The following GAS6 variants were observed in gnomAD, a reference collection of about 807,000 sequenced individuals.
GAS6 encodes growth arrest specific 6.
A neutral mutation model predicts 75.8 loss-of-function variants in GAS6; 41 were observed. The ratio of observed to expected loss-of-function variants is 0.54; its 90% confidence interval spans 0.42 to 0.70. The LOEUF (loss-of-function observed/expected upper bound fraction) is 0.70. Among genes scored for constraint, GAS6 ranks in the 30% least tolerant of loss-of-function variants. The pLI is 0.00. For missense variants in GAS6, 854 were observed against 940.2 expected (o/e 0.91, Z 1.20); for synonymous variants, 432 against 412.6 (o/e 1.05, Z -0.57).
At chr13:113,842,982 G>T (rs56298096) in intron 4 of GAS6, 58,952 of 395,672 alleles carry the variant, frequency 0.15, 5,917 homozygotes, top group Middle Eastern at 0.19. Flanking sequence ...CAACTCATTT[G>T]TTTATTTCCC....
At chr13:113,822,247 CA>C in intron 13 of GAS6, 61 bp from the exon 14 acceptor site, 5 of 1,315,540 alleles carry the variant, frequency 3.8e-6, no homozygotes, top group Non-Finnish European at 5.1e-6. Context: ...CTGTTAGGTC[CA>C]AGCTGGTCCT....
rs2051851548 is a variant in GAS6 at position 113,848,645 on chromosome 13, C to T, written c.256-595G>A. On this transcript the variant is annotated intron_variant, in intron 2 of 14. Transcript: ENST00000327773. The surrounding 1 kb of genome is among the most constrained non-coding windows in gnomAD (Gnocchi z 4.8). Reference sequence around the variant, plus strand: ...ATCCTTTTGCCATGGCCCACAGATTCTAGGGCCACAGCCTGGTTAAAGCAG... The same window carrying T: ...ATCCTTTTGCCATGGCCCACAGATTTTAGGGCCACAGCCTGGTTAAAGCAG... 6.6e-6 allele frequency among the ~76,000 whole-genome samples: 1 copy of T among 152,154 alleles called. No homozygotes were observed. The highest frequency in any genetic ancestry group is 6.5e-5 in the Admixed American group (1 of 15,282).
chr13:113,830,207 T>A (rs2138627602), intron 10 of GAS6, among the ~76,000 whole-genome samples: 1 of 152,270 alleles, frequency 6.6e-6, no homozygotes, highest in South Asian at 2.1e-4. Flanking sequence ...CACAAAAACA[T>A]GGTACAAATT....
chr13:113,857,740 C>T (rs562492357), intron 2 of GAS6, among the ~76,000 whole-genome samples: 14 of 152,330 alleles, frequency 9.2e-5, no homozygotes, highest in African/African-American at 4.8e-5. Context: ...CAAAGGGAGA[C>T]GTTCAGCGTT....
intron 8 of GAS6, among the ~76,000 whole-genome samples, chr13:113,834,181 C>CTGTGACAGGCACCGG (rs1427785818): frequency 7.6e-6 from 1 of 131,336 alleles, no homozygotes; most frequent in African/African-American, 2.9e-5. Context: ...GTAGGTCATG[C>CTGTGACAGGCACCGG]TGTGACAGGC....
At chr13:113,832,775 C>A (rs147601449) in intron 8 of GAS6, 23 bp from the exon 9 acceptor site, 32 of 1,612,168 alleles carry the variant, frequency 2.0e-5, no homozygotes, top group Non-Finnish European at 2.6e-5. Flanking sequence ...GGGGCCACGC[C>A]GGTCGGGGAT....
At chr13:113,858,634 TGTGTGTTTGTGA>T (rs1333051913) in intron 2 of GAS6, among the ~76,000 whole-genome samples, 5 of 111,096 alleles carry the variant, frequency 4.5e-5, no homozygotes, top group African/African-American at 2.7e-4. Context: ...TATGCATGTC[TGTGTGTTTGTGA>T]CTGTATGTGT....
intron 3 of GAS6, among the ~76,000 whole-genome samples, chr13:113,847,305 T>C (rs78656788): frequency 0.073 from 11,129 of 152,338 alleles, 510 homozygotes; most frequent in East Asian, 0.14. Flanking sequence ...ACTGTGTTTG[T>C]TCCAGATATG....
intron 14 of GAS6, 45 bp downstream of exon 14, chr13:113,821,912 TC>T (rs1329310155): frequency 7.0e-7 from 1 of 1,438,444 alleles, no homozygotes; most frequent in South Asian, 1.3e-5. Context: ...AAGCTGGGCC[TC>T]CCTGGAGCTC....
chr13:113,825,234 C>CA (rs71105207), intron 12 of GAS6, among the ~76,000 whole-genome samples: 2,862 of 56,980 alleles, frequency 0.05, 204 homozygotes, highest in African/African-American at 0.14. Flanking sequence ...AACTCCGTCT[C>CA]AAAAAAAAAA....
rs1159511920 is a variant in GAS6 at position 113,823,429 on chromosome 13, C to G, written c.1599G>C (p.Val533=). 2 of 1,612,772 alleles carry G rather than the reference C, an allele frequency of 1.2e-6. No homozygotes were observed. The highest frequency in any genetic ancestry group is 4.5e-5 in the East Asian group (2 of 44,878). The stretch of plus-strand genomic sequence containing the variant: ...AGTCTACCAGTGCCACAGAGAGAGG[C>G]ACGGCACGGAGGTCGGGGGCCCAGA... The part of the protein sequence containing the change: ...FALWAPDLRA[V]PLSVALVDYH... Residue 533 remains valine, a synonymous_variant, in exon 13 of 15, where the codon GTG becomes GTC. Coordinates refer to ENST00000327773, the MANE Select transcript of GAS6 (RefSeq NM_000820.4).
chr13:113,834,373 A>C (rs2051673154), intron 8 of GAS6, among the ~76,000 whole-genome samples, 178 bp downstream of exon 8: 1 of 152,204 alleles, frequency 6.6e-6, no homozygotes, highest in African/African-American at 2.4e-5. Context: ...CTATAAATAC[A>C]ACCAAACATC....
At position 113,832,488 on chromosome 13, in the gene GAS6, C is replaced by T. The variant is rs1287537230; in HGVS notation, c.954G>A (p.Arg318=). 6.3e-7 allele frequency: 1 copy of T among 1,596,814 alleles called. No homozygotes were observed. The highest frequency in any genetic ancestry group is 8.5e-7 in the Non-Finnish European group (1 of 1,169,592). Residue 318 remains arginine, a splice_region_variant and synonymous_variant, in exon 10 of 15, where the codon AGG becomes AGA. Coordinates refer to ENST00000327773, the MANE Select transcript of GAS6 (RefSeq NM_000820.4). ...RLRFKRLQPT[R]LVAEFDFRTF... ...TCCGGAAGTCAAACTCAGCTACCAG[C>T]CTGGGCACCCACAGGAGAAATGAGT...
intron 10 of GAS6, 133 bp from the exon 11 acceptor site, chr13:113,828,844 T>A: frequency 1.0e-6 from 1 of 964,598 alleles, no homozygotes; most frequent in East Asian, 2.5e-5. Context: ...GATCCTCACC[T>A]GGGCCAAGAG....
In GAS6 at chr13:113,863,822, G is replaced by A; in HGVS notation, c.88+11C>T. ...CGCCCGGGGACGGGGTCTCGGGCCC[G>A]CGGGACTCACCAAGCGCGCACTCCG... On this transcript the variant is annotated intron_variant, in intron 1 of 14. Coordinates refer to ENST00000327773, the MANE Select transcript of GAS6 (RefSeq NM_000820.4). This position sits in a 1 kb window ranked among gnomAD's most constrained non-coding sequence, Gnocchi z 9.4. 7.3e-7 allele frequency: 1 copy of A among 1,366,448 alleles called. No individual in the cohort carries two copies. The highest frequency in any genetic ancestry group is 1.7e-5 in the South Asian group (1 of 58,368). 84.6% of individuals were successfully genotyped at this position (1,366,448 alleles called of 1,614,324 possible). A position where few individuals can be genotyped will look rare whatever the true frequency, so the allele number is the denominator to read the frequency against.
rs1430361900 is a variant in GAS6, at chr13:113,837,665, CCAA to C, written c.589+401_589+403del. The stretch of plus-strand genomic sequence containing the variant: ...GCTATATTTAGTGGACAGAGGGAGA[CCAA>C]CAACGGGGTGCTTCTGGGGATGCTG... On this transcript the variant is annotated intron_variant, in intron 6 of 14. Transcript: ENST00000327773. This position sits in a 1 kb window ranked among gnomAD's most constrained non-coding sequence, Gnocchi z 5.1. Among the ~76,000 whole-genome samples the C allele has an allele frequency of 6.6e-6, 1 of 152,108 alleles. No homozygotes were observed. Among genetic ancestry groups the C allele is most frequent in the African/African-American group, 2.4e-5 (1 of 41,418 alleles).
chr13:113,821,866 A>G, intron 14 of GAS6, 92 bp downstream of exon 14: 1 of 1,039,832 alleles, frequency 9.6e-7, no homozygotes, highest in Non-Finnish European at 1.3e-6. Context: ...TCACTACCAG[A>G]AACCCCAGCC....
chr13:113,820,833 G>C lies in GAS6; in HGVS notation c.*31C>G, dbSNP rs536395504. On this transcript the variant is annotated 3_prime_UTR_variant, in exon 15 of 15. Coordinates refer to ENST00000327773, the MANE Select transcript of GAS6 (RefSeq NM_000820.4). ...GCTCCTCCCGGCTGTCTCGGACAGA[G>C]ACTGAGAAGCCTGCCGCGTCCCGTG... is the stretch of plus-strand genomic sequence containing the variant. 1.2e-6 allele frequency: 2 copies of C among 1,600,770 alleles called. No individual in the cohort carries two copies. Among genetic ancestry groups the C allele is most frequent in the South Asian group, 2.2e-5 (2 of 90,660 alleles).
chr13:113,838,176 C>G lies in GAS6; in HGVS notation c.482G>C (p.Ser161Thr). ...CTGGAGGCAGCCCCCGTTCTCCTGG[C>G]TGCATTCGTTGACATCTGGGAACAA... is the stretch of plus-strand genomic sequence containing the variant. ...RLCDKDVNEC[S>T]QENGGCLQIC... The change falls in exon 6 of 15, where the codon AGC becomes ACC. Residue 161 changes from serine to threonine, a missense_variant. Ser to Thr is a moderately conservative substitution (Grantham distance 58). Coordinates refer to ENST00000327773, the MANE Select transcript of GAS6 (RefSeq NM_000820.4). 2.5e-6 allele frequency: 4 copies of G among 1,612,774 alleles called. No individual in the cohort carries two copies. The highest frequency in any genetic ancestry group is 3.4e-6 in the Non-Finnish European group (4 of 1,179,882).
Sources: gnomAD v4.1 joint callset for allele counts (sites outside exome capture counted in the v4.1 genomes callset) on GRCh38, gnomAD v4.1.1 for gene constraint, Gnocchi (gnomAD v3.1) non-coding constraint, MANE v1.5 for transcripts, NCBI Gene and HGNC (gene_info 2026-07-23, HGNC 2026-07-21) for gene names.